The following CDK12 variants were observed in gnomAD, a reference collection of about 807,000 sequenced individuals.
The protein encoded by CDK12 is cyclin dependent kinase 12.
A neutral mutation model predicts 133.8 loss-of-function variants in CDK12; 17 were observed. That is an observed-to-expected ratio of 0.13 (90% confidence interval 0.09 to 0.19). The LOEUF is 0.19. Ranked by LOEUF, CDK12 falls within the 10% of genes least tolerant of loss-of-function variation. The pLI is 1.00. For missense variants in CDK12, 1,508 were observed against 1,818.7 expected (o/e 0.83, Z 3.11); for synonymous variants, 694 against 683.6 (o/e 1.02, Z -0.24).
rs754566591 is a variant in CDK12 at position 39,530,959 on chromosome 17, G to A, written c.4116G>A (p.Lys1372=). Residue 1372 remains lysine, a synonymous_variant, in exon 14 of 14, where the codon AAG becomes AAA. Transcript: ENST00000447079. The part of the protein sequence containing the change: ...LTESLVQTLV[K]NRTFSGSLSH... ...AATCCTTGGTCCAGACCCTGGTGAA[G>A]AACAGGACCTTCTCAGGCTCTCTGA... 3.7e-6 allele frequency: 6 copies of A among 1,614,082 alleles called. No individual in the cohort carries two copies. The Admixed American group carries it at 5.0e-5, about 13-fold the overall frequency.
chr17:39,462,937 C>G lies in CDK12; in HGVS notation c.866C>G (p.Thr289Ser). 6.2e-7 allele frequency: 1 copy of G among 1,614,228 alleles called. No individual in the cohort carries two copies. The highest frequency in any genetic ancestry group is 8.5e-7 in the Non-Finnish European group (1 of 1,180,044). Residue 289 changes from threonine (T) to serine (S), a missense_variant, in exon 1 of 14, where the codon ACC (threonine) becomes AGC (serine). Physicochemically the swap from Thr to Ser is moderately conservative, Grantham distance 58 (BLOSUM62 1). This residue lies in a region of CDK12 where 460 missense variants were observed against 490.8 expected (regional missense o/e 0.94). Coordinates refer to ENST00000447079, the MANE Select transcript of CDK12 (RefSeq NM_016507.4). ...GAGCCTTCGGCCTACCAGTCCAGCA[C>G]CCGGTCACCGAGCCCCTACAGTAGG... is the stretch of plus-strand genomic sequence containing the variant. ...YKEPSAYQSS[T>S]RSPSPYSRRQ...
chr17:39,485,059 A>G (rs986625656), intron 2 of CDK12, among the ~76,000 whole-genome samples: 1 of 151,112 alleles, frequency 6.6e-6, no homozygotes, highest in African/African-American at 2.4e-5. Context: ...GGTCCCAGCT[A>G]CTCGGGAGGC....
At chr17:39,463,846 G>C (rs945991329) in intron 1 of CDK12, among the ~76,000 whole-genome samples, 1 of 151,744 alleles carries the variant, frequency 6.6e-6, no homozygotes, top group Admixed American at 6.6e-5. Flanking sequence ...TGCGAGAAAG[G>C]CATGCTAGTT....
chr17:39,565,106 T>TTTGTTTGTTTGTTTGC (rs1397745345), downstream of CDK12, among the ~76,000 whole-genome samples: 14 of 152,002 alleles, frequency 9.2e-5, no homozygotes, highest in Admixed American at 8.5e-4. Context: ...TCATATTTCT[T>TTTGTTTGTTTGTTTGC]TTGTTTGTTT....
intron 11 of CDK12, among the ~76,000 whole-genome samples, chr17:39,522,583 G>A (rs2054247866): frequency 6.6e-6 from 1 of 152,040 alleles, no homozygotes; most frequent in Middle Eastern, 3.4e-3. Flanking sequence ...ACAGGAGCCC[G>A]GCACCACAGC....
At chr17:39,560,096 T>C (rs2144555511) in intron 3 of CDK12, among the ~76,000 whole-genome samples, 1 of 152,306 alleles carries the variant, frequency 6.6e-6, no homozygotes, top group Admixed American at 6.5e-5. Flanking sequence ...TGTGCCTAGG[T>C]TGTCTTTTTT....
chr17:39,563,258 A>AGT (rs138499137), intron 3 of CDK12, among the ~76,000 whole-genome samples: 21 of 151,492 alleles, frequency 1.4e-4, no homozygotes, highest in Non-Finnish European at 8.8e-5. Context: ...TGGCTGGGAG[A>AGT]GTGTGTGTGT....
intron 6 of CDK12, among the ~76,000 whole-genome samples, chr17:39,505,858 G>A (rs548342343): frequency 6.6e-6 from 1 of 152,308 alleles, no homozygotes; most frequent in African/African-American, 2.4e-5. Context: ...TTTGGTATAT[G>A]TGGGAGTCTT....
chr17:39,524,285 A>T (rs1488066182), intron 11 of CDK12, among the ~76,000 whole-genome samples: 2 of 152,162 alleles, frequency 1.3e-5, no homozygotes, highest in Non-Finnish European at 2.9e-5. Flanking sequence ...CCTTTCCTCG[A>T]CCTTCTGTAT....
intron 1 of CDK12, among the ~76,000 whole-genome samples, chr17:39,541,942 C>T (rs1045348709): frequency 1.3e-5 from 2 of 152,264 alleles, no homozygotes; most frequent in Middle Eastern, 6.8e-3. Context: ...CACGCAGTCG[C>T]ACAGCGAGTT....
chr17:39,482,044 C>CT (rs1247011026), intron 2 of CDK12, among the ~76,000 whole-genome samples: 2 of 35,974 alleles, frequency 5.6e-5, no homozygotes, highest in Non-Finnish European at 1.1e-4. Context: ...CAGAGTTTCG[C>CT]TTTTTTTAGC....
intron 1 of CDK12, among the ~76,000 whole-genome samples, chr17:39,468,428 A>G (rs1225986412): frequency 6.6e-6 from 1 of 152,108 alleles, no homozygotes; most frequent in Non-Finnish European, 1.5e-5. Context: ...GTTTTAGACT[A>G]CTGGGAAAAT....
chr17:39,512,933 T>G (rs774499796), intron 8 of CDK12, among the ~76,000 whole-genome samples: 6 of 152,212 alleles, frequency 3.9e-5, no homozygotes, highest in Non-Finnish European at 5.9e-5. Context: ...CCATTGTGGT[T>G]ATTATCCTTA....
rs538263168 is a variant in CDK12, at chr17:39,517,323, T to C, written c.2847-117T>C. The C allele has an allele frequency of 6.0e-4, 409 of 676,324 alleles. 1 individual carries two copies. The highest frequency in any genetic ancestry group is 2.3e-3 in the Middle Eastern group (9 of 3,940). 41.9% of individuals were successfully genotyped at this position (676,324 alleles called of 1,614,324 possible). ...ATTTTCCTTTCTGCATGCCCTGTAA[T>C]GTAATAACCAAAGATTCCCCAGACC... On this transcript the variant is annotated intron_variant, in intron 9 of 13. Coordinates refer to ENST00000447079, the MANE Select transcript of CDK12 (RefSeq NM_016507.4).
downstream of CDK12, among the ~76,000 whole-genome samples, chr17:39,537,023 G>A (rs774312252): frequency 2.0e-5 from 3 of 152,188 alleles, no homozygotes; most frequent in Non-Finnish European, 4.4e-5. Flanking sequence ...GGAATGAAGG[G>A]CATTTTATCC....
chr17:39,467,688 A>C (rs1272572887), intron 1 of CDK12, among the ~76,000 whole-genome samples: 1 of 152,106 alleles, frequency 6.6e-6, no homozygotes, highest in Non-Finnish European at 1.5e-5. Context: ...TGGGTTTTAC[A>C]TGTTTTCCCT....
chr17:39,528,429 G>A (rs541633217), intron 13 of CDK12, among the ~76,000 whole-genome samples: 13 of 152,120 alleles, frequency 8.5e-5, no homozygotes, highest in Admixed American at 7.9e-4. Context: ...TACCTCCCAG[G>A]TTCAAGCGAT....
intron 9 of CDK12, 127 bp downstream of exon 9, chr17:39,515,935 C>A: frequency 1.7e-6 from 1 of 583,340 alleles, no homozygotes; most frequent in Non-Finnish European, 3.0e-6. Context: ...TCTCTTTACT[C>A]AGTCAGGTTT....
intron 1 of CDK12, among the ~76,000 whole-genome samples, chr17:39,468,603 G>A (rs1001290050): frequency 1.3e-5 from 2 of 151,714 alleles, no homozygotes; most frequent in Non-Finnish European, 2.9e-5. Flanking sequence ...AGCCTCCCGA[G>A]TAGCTGGGAT....
Sources: gnomAD v4.1 joint callset for allele counts (sites outside exome capture counted in the v4.1 genomes callset) on GRCh38, gnomAD v4.1.1 for gene constraint, gnomAD v4.1.1 regional missense constraint, MANE v1.5 for transcripts, NCBI Gene and HGNC (gene_info 2026-07-23, HGNC 2026-07-21) for gene names.